The following IMMP2L variants were observed in gnomAD, a reference collection of about 807,000 sequenced individuals.
The protein encoded by IMMP2L is mitochondrial inner membrane protease subunit 2.
IMMP2L carries 18 observed loss-of-function variants against 19.3 expected under a neutral mutation model. The ratio of observed to expected loss-of-function variants is 0.93; its 90% CI spans 0.64 to 1.38. The LOEUF is 1.38. IMMP2L is among the 40% of genes most tolerant of loss of function. IMMP2L has a pLI of 0.00. For synonymous variants in IMMP2L, 76 were observed against 73.0 expected (o/e 1.04, Z -0.21); for missense variants, 233 against 218.2 (o/e 1.07, Z -0.43).
chr7:111,059,988 T>C (rs1793874549), intron 3 of IMMP2L, among the ~76,000 whole-genome samples: 2 of 151,984 alleles, frequency 1.3e-5, no homozygotes, highest in Middle Eastern at 3.4e-3. Flanking sequence ...AAGTAGCCAA[T>C]GCTGTCTCAT....
At chr7:111,466,182 G>T (rs567723648) in intron 3 of IMMP2L, among the ~76,000 whole-genome samples, 4 of 152,246 alleles carry the variant, frequency 2.6e-5, no homozygotes, top group African/African-American at 9.6e-5. Context: ...TTGTGGGGTG[G>T]AGGGAGCGGG....
chr7:111,075,912 G>C (rs534219778), intron 3 of IMMP2L, among the ~76,000 whole-genome samples: 1 of 152,194 alleles, frequency 6.6e-6, no homozygotes, highest in South Asian at 2.1e-4. Context: ...AAAACATAAT[G>C]TTTTACTTTT....
At chr7:111,026,406 T>G (rs1826826306) in intron 3 of IMMP2L, among the ~76,000 whole-genome samples, 1 of 152,044 alleles carries the variant, frequency 6.6e-6, no homozygotes, top group African/African-American at 2.4e-5. Context: ...TTCCCCTTAT[T>G]GTAGAGGAGA....
intron 2 of IMMP2L, among the ~76,000 whole-genome samples, chr7:111,513,365 A>G (rs1372746088): frequency 6.6e-6 from 1 of 152,124 alleles, no homozygotes; most frequent in Non-Finnish European, 1.5e-5. Context: ...ATTCAATATC[A>G]CTAATTATCA....
chr7:110,775,250 T>TGTGTGC (rs1799305098), intron 5 of IMMP2L, among the ~76,000 whole-genome samples: 1 of 148 alleles, frequency 6.8e-3, no homozygotes, highest in Non-Finnish European at 0.033. Flanking sequence ...TTAAGTCAGC[T>TGTGTGC]GTGTGTGTGT....
Position 111,117,656 on chromosome 7 carries a change from T to G in IMMP2L, c.240-154091A>C, listed in dbSNP as rs552314222. The stretch of plus-strand genomic sequence containing the variant: ...ATAATTCAACAATACCTCTGGGATA[T>G]GGAACCTTCAATTAGAACTAAAGAA... On this transcript the variant is annotated intron_variant, in intron 3 of 5. Coordinates refer to ENST00000405709, the MANE Select transcript of IMMP2L (RefSeq NM_032549.4). 2.6e-5 allele frequency among the ~76,000 whole-genome samples: 4 copies of G among 152,186 alleles called. No homozygotes were observed. In the South Asian group the frequency reaches 8.3e-4, roughly 32 times the overall value.
intron 4 of IMMP2L, among the ~76,000 whole-genome samples, chr7:110,889,962 G>A (rs1162553120): frequency 6.6e-6 from 1 of 152,142 alleles, no homozygotes; most frequent in East Asian, 1.9e-4. Context: ...TAGTTCTGAT[G>A]TATAGTCAGA....
intron 3 of IMMP2L, among the ~76,000 whole-genome samples, chr7:111,263,730 G>A (rs1817557502): frequency 2.0e-5 from 3 of 152,110 alleles, no homozygotes; most frequent in Admixed American, 2.0e-4. Context: ...AATTATTAGA[G>A]ATCAGTAAAA....
At chr7:110,983,644 C>T (rs1821540224) in intron 3 of IMMP2L, among the ~76,000 whole-genome samples, 1 of 151,798 alleles carries the variant, frequency 6.6e-6, no homozygotes, top group Non-Finnish European at 1.5e-5. Context: ...GAAGAAAGTA[C>T]TAGGATGTGA....
At chr7:110,666,918 C>CT (rs1459237509) in intron 5 of IMMP2L, among the ~76,000 whole-genome samples, 28 of 152,268 alleles carry the variant, frequency 1.8e-4, no homozygotes, top group African/African-American at 6.7e-4. Flanking sequence ...TACTTGTAGG[C>CT]CGGAGTGCAG....
chr7:111,241,965 A>C (rs531555018), intron 3 of IMMP2L, among the ~76,000 whole-genome samples: 1 of 152,184 alleles, frequency 6.6e-6, no homozygotes, highest in Non-Finnish European at 1.5e-5. Flanking sequence ...TTATACGTGA[A>C]AAATATGATT....
At chr7:110,833,536 G>C (rs1363233133) in intron 5 of IMMP2L, among the ~76,000 whole-genome samples, 2 of 151,972 alleles carry the variant, frequency 1.3e-5, no homozygotes. Context: ...GACCATCTGG[G>C]GGGATGGCTG....
intron 3 of IMMP2L, among the ~76,000 whole-genome samples, chr7:111,422,511 G>T (rs755264213): frequency 4.0e-5 from 6 of 151,690 alleles, no homozygotes; most frequent in African/African-American, 9.7e-5. Context: ...TTCATGATTT[G>T]GCTCTCTGTT....
At chr7:111,181,701 G>T (rs1426002195) in intron 3 of IMMP2L, among the ~76,000 whole-genome samples, 1 of 151,966 alleles carries the variant, frequency 6.6e-6, no homozygotes, top group Non-Finnish European at 1.5e-5. Flanking sequence ...CTAAACAAAT[G>T]ACCAGCATCA....
intron 3 of IMMP2L, among the ~76,000 whole-genome samples, chr7:111,129,062 GATTA>G (rs1801597334): frequency 6.6e-6 from 1 of 151,996 alleles, no homozygotes; most frequent in South Asian, 2.1e-4. Flanking sequence ...AAATTTCAGA[GATTA>G]ACATTTTAGA....
At chr7:110,977,384 A>C (rs555156829) in intron 3 of IMMP2L, among the ~76,000 whole-genome samples, 1 of 152,020 alleles carries the variant, frequency 6.6e-6, no homozygotes, top group Non-Finnish European at 1.5e-5. Flanking sequence ...TAGAGGCCCC[A>C]TGAACTACTA....
chr7:110,674,819 C>A (rs1288042122), intron 5 of IMMP2L, among the ~76,000 whole-genome samples: 1 of 152,154 alleles, frequency 6.6e-6, no homozygotes. Context: ...CAGGGCCTCT[C>A]CAGAGCACCT....
At chr7:111,514,715 A>G (rs912326706) in intron 2 of IMMP2L, among the ~76,000 whole-genome samples, 1 of 152,110 alleles carries the variant, frequency 6.6e-6, no homozygotes, top group African/African-American at 2.4e-5. Context: ...ACCTAGAGCC[A>G]ACAATTATGG....
chr7:111,530,894 A>C (rs1847326296), intron 1 of IMMP2L, among the ~76,000 whole-genome samples: 1 of 152,168 alleles, frequency 6.6e-6, no homozygotes, highest in Non-Finnish European at 1.5e-5. Context: ...AGATAGCAAG[A>C]ATGCTGGCCA....
Sources: gnomAD v4.1 joint callset for allele counts (sites outside exome capture counted in the v4.1 genomes callset) on GRCh38, gnomAD v4.1.1 for gene constraint, MANE v1.5 for transcripts, NCBI Gene and HGNC (gene_info 2026-07-23, HGNC 2026-07-21) for gene names.